Variants in GABRB3 observed in about 807,000 individuals in gnomAD.
GABRB3 encodes gamma-aminobutyric acid receptor subunit beta-3.
Under a neutral mutation model 52.1 loss-of-function variants are expected in GABRB3, and 14 were observed. The observed-to-expected ratio is 0.27, with a 90% confidence interval of 0.18 to 0.42. The LOEUF (loss-of-function observed/expected upper bound fraction) is 0.42, where lower values mean the gene tolerates loss of function less well. GABRB3 is among the 10% of genes least tolerant of loss of function. The probability of loss-of-function intolerance (pLI) is 1.00; values close to 1 mark genes in which losing one functional copy is unlikely to be tolerated. For missense variants in GABRB3, 307 were observed against 609.1 expected (o/e 0.50, Z 5.22); for synonymous variants, 260 against 232.3 (o/e 1.12, Z -1.08).
chr15:26,583,197 G>A, intron 5 of GABRB3, 135 bp downstream of exon 5: 1 of 718,496 alleles, frequency 1.4e-6, no homozygotes, highest in Admixed American at 2.0e-5. Flanking sequence ...CTCTCTCTCT[G>A]TGTTTCTCTC....
chr15:26,618,390 A>G (rs1253812942), intron 4 of GABRB3, among the ~76,000 whole-genome samples: 1 of 152,176 alleles, frequency 6.6e-6, no homozygotes, highest in East Asian at 1.9e-4. Flanking sequence ...ATCTTTGACA[A>G]ACCTGAGAAA....
chr15:26,660,850 G>A (rs918398129), intron 3 of GABRB3, among the ~76,000 whole-genome samples: 1 of 152,174 alleles, frequency 6.6e-6, no homozygotes, highest in South Asian at 2.1e-4. Context: ...GGGGGGCAAG[G>A]GGTTTTGAGA....
intron 7 of GABRB3, 87 bp from the exon 8 acceptor site, chr15:26,561,263 C>A: frequency 1.3e-6 from 2 of 1,579,970 alleles, no homozygotes; most frequent in Non-Finnish European, 1.7e-6. Flanking sequence ...TCTCAAACAG[C>A]TTTAAGTAGT....
chr15:26,703,210 C>T (rs1190829373), intron 3 of GABRB3, among the ~76,000 whole-genome samples: 1 of 152,138 alleles, frequency 6.6e-6, no homozygotes, highest in Admixed American at 6.5e-5. Context: ...TTAATTTCCT[C>T]ACAGTTCTAG....
At chr15:26,763,631 C>CACACACACACACAA (rs1890883183) in intron 3 of GABRB3, among the ~76,000 whole-genome samples, 1 of 151,892 alleles carries the variant, frequency 6.6e-6, no homozygotes, top group Non-Finnish European at 1.5e-5. Flanking sequence ...CACACACACA[C>CACACACACACACAA]ACACACACCA....
At chr15:26,588,102 T>C (rs1435066584) in intron 4 of GABRB3, among the ~76,000 whole-genome samples, 1 of 152,140 alleles carries the variant, frequency 6.6e-6, no homozygotes, top group Non-Finnish European at 1.5e-5. Context: ...AGGAAGATAA[T>C]GGCCAAGTGA....
intron 3 of GABRB3, among the ~76,000 whole-genome samples, chr15:26,663,103 C>G (rs1025947961): frequency 2.2e-4 from 33 of 152,066 alleles, no homozygotes; most frequent in African/African-American, 7.7e-4. Flanking sequence ...AATCTCATCA[C>G]ATGTATAGGT....
chr15:26,570,449 C>T (rs1890353319), intron 6 of GABRB3, among the ~76,000 whole-genome samples: 1 of 152,208 alleles, frequency 6.6e-6, no homozygotes, highest in African/African-American at 2.4e-5. Flanking sequence ...GACTTGGGCA[C>T]ATTTGGGAAA....
intron 8 of GABRB3, among the ~76,000 whole-genome samples, chr15:26,551,744 TAGA>T (rs1200140935): frequency 6.6e-6 from 1 of 152,112 alleles, no homozygotes; most frequent in African/African-American, 2.4e-5. Context: ...AGCATTGGTT[TAGA>T]AGTTGTCAGA....
intron 3 of GABRB3, among the ~76,000 whole-genome samples, chr15:26,639,627 G>T (rs1181688752): frequency 6.6e-6 from 1 of 152,186 alleles, no homozygotes; most frequent in African/African-American, 2.4e-5. Flanking sequence ...TACATACCCA[G>T]TACGTGTTAA....
At chr15:26,667,369 C>T (rs533406479) in intron 3 of GABRB3, among the ~76,000 whole-genome samples, 1 of 152,248 alleles carries the variant, frequency 6.6e-6, no homozygotes, top group East Asian at 1.9e-4. Context: ...TTTTCATCCG[C>T]CCCCTTTCAT....
At chr15:26,577,611 G>GA (rs1471293837) in intron 6 of GABRB3, among the ~76,000 whole-genome samples, 5 of 152,140 alleles carry the variant, frequency 3.3e-5, no homozygotes, top group African/African-American at 4.8e-5. Flanking sequence ...AAAACAAACA[G>GA]AAAAATCACA....
chr15:26,770,771 C>G (rs1458423434), intron 3 of GABRB3, among the ~76,000 whole-genome samples: 1 of 152,160 alleles, frequency 6.6e-6, no homozygotes, highest in Non-Finnish European at 1.5e-5. Context: ...AATGTGAAGT[C>G]CCCAGTTGAG....
intron 3 of GABRB3, among the ~76,000 whole-genome samples, chr15:26,720,164 A>AC (rs1331284246): frequency 6.7e-6 from 1 of 150,220 alleles, no homozygotes; most frequent in East Asian, 2.0e-4. Flanking sequence ...CCAGAGAACA[A>AC]CCCCCCTTTG....
Position 26,583,435 on chromosome 15 carries a change from G to C in GABRB3, c.462-21C>G, listed in dbSNP as rs773013022. On this transcript the variant is annotated intron_variant, in intron 4 of 8. Coordinates refer to ENST00000311550, the MANE Select transcript of GABRB3 (RefSeq NM_000814.6). ...TGATTCTGAAATACACAGGGTGAGGGAAGATATTAAAGAAGGGCTGAGAAA... is the reference window on the plus strand; with the variant it reads ...TGATTCTGAAATACACAGGGTGAGGCAAGATATTAAAGAAGGGCTGAGAAA... 6 of 1,596,648 alleles carry C rather than the reference G, an allele frequency of 3.8e-6. No individual in the cohort carries two copies. The African/African-American group carries it at 5.4e-5, about 14-fold the overall frequency.
intron 3 of GABRB3, among the ~76,000 whole-genome samples, chr15:26,698,451 A>G (rs897371272): frequency 1.5e-3 from 231 of 152,170 alleles, no homozygotes; most frequent in Non-Finnish European, 2.4e-4. Context: ...TCACAATTAT[A>G]TACACATTTA....
intron 3 of GABRB3, among the ~76,000 whole-genome samples, chr15:26,673,978 T>C (rs951358749): frequency 1.3e-5 from 2 of 152,134 alleles, no homozygotes; most frequent in Non-Finnish European, 2.9e-5. Context: ...CTATAAAACG[T>C]GTTATCTGGC....
At chr15:26,771,760 G>C (rs551639350) in intron 3 of GABRB3, 1 of 152,452 alleles carries the variant, frequency 6.6e-6, no homozygotes, top group East Asian at 1.9e-4. Context: ...TCTCCCGGTA[G>C]AGCGGCTCCT....
intron 3 of GABRB3, among the ~76,000 whole-genome samples, chr15:26,723,305 T>C (rs146167403): frequency 1.3e-5 from 2 of 152,340 alleles, no homozygotes; most frequent in African/African-American, 4.8e-5. Context: ...ATAATTTGAG[T>C]CTTTTGAATG....
Sources: gnomAD v4.1 joint callset for allele counts (sites outside exome capture counted in the v4.1 genomes callset) on GRCh38, gnomAD v4.1.1 for gene constraint, MANE v1.5 for transcripts, NCBI Gene and HGNC (gene_info 2026-07-23, HGNC 2026-07-21) for gene names.